Variants in SMG7 observed in about 807,000 individuals in gnomAD.
The protein encoded by SMG7 is nonsense-mediated mRNA decay factor SMG7.
A neutral mutation model predicts 148.2 loss-of-function variants in SMG7; 34 were observed. That is an observed-to-expected ratio of 0.23 (90% CI 0.17 to 0.31). SMG7 has a LOEUF of 0.31. Ranked by LOEUF, SMG7 falls within the 10% of genes least tolerant of loss-of-function variation. The pLI, the probability that SMG7 is intolerant of heterozygous loss-of-function variation, is 1.00. For synonymous variants in SMG7, 492 were observed against 515.1 expected (o/e 0.96, Z 0.61); for missense variants, 1,114 against 1,408.4 (o/e 0.79, Z 3.35).
chr1:183,545,902 T>C, intron 16 of SMG7, 64 bp from the exon 17 acceptor site: 3 of 1,505,146 alleles, frequency 2.0e-6, no homozygotes, highest in Non-Finnish European at 2.7e-6. Context: ...TGTGATTCTT[T>C]AGCATTCATT....
intron 9 of SMG7, 32 bp downstream of exon 9, chr1:183,533,358 T>G: frequency 6.3e-7 from 1 of 1,594,640 alleles, no homozygotes; most frequent in Non-Finnish European, 8.6e-7. Flanking sequence ...ATGTGCCATC[T>G]TTTTTGAAAA....
At chr1:183,489,377 A>C (rs1041966594) in intron 1 of SMG7, among the ~76,000 whole-genome samples, 2 of 151,944 alleles carry the variant, frequency 1.3e-5, no homozygotes, top group Non-Finnish European at 2.9e-5. Context: ...GTTTCTTTGA[A>C]ATTGGTTACA....
At chr1:183,480,450 A>G (rs927263977) in intron 1 of SMG7, among the ~76,000 whole-genome samples, 5 of 152,108 alleles carry the variant, frequency 3.3e-5, no homozygotes, top group Admixed American at 2.6e-4. Context: ...AAAGGTGCCA[A>G]AGACCTCACG....
At position 183,527,714 on chromosome 1, in the gene SMG7, C is replaced by T. The variant is rs1165960843; in HGVS notation, c.485-242C>T. Reference sequence around the variant, plus strand: ...GCTGGTGATGCATGACACTGGAGGACCTGAAAATGGGGTCTAGGTAAGCTT... The same window carrying T: ...GCTGGTGATGCATGACACTGGAGGATCTGAAAATGGGGTCTAGGTAAGCTT... On this transcript the variant is annotated intron_variant, in intron 5 of 22. Transcript: ENST00000688051. This position sits in a 1 kb window ranked among gnomAD's most constrained non-coding sequence, Gnocchi z 4.0. 1 of 537,326 alleles carries T rather than the reference C, an allele frequency of 1.9e-6. No individual in the cohort carries two copies. Among genetic ancestry groups the T allele is most frequent in the South Asian group, 1.5e-5 (1 of 64,958 alleles). The allele number at this position is 537,326 out of a possible 1,614,324, so 33.3% of individuals were successfully genotyped here.
At chr1:183,523,466 C>T (rs1260577263) in intron 4 of SMG7, among the ~76,000 whole-genome samples, 1 of 152,164 alleles carries the variant, frequency 6.6e-6, no homozygotes, top group East Asian at 1.9e-4. Flanking sequence ...TAATATTCAG[C>T]TACAGCCTTA....
intron 4 of SMG7, among the ~76,000 whole-genome samples, chr1:183,526,303 C>T (rs888548065): frequency 5.9e-5 from 9 of 151,666 alleles, no homozygotes; most frequent in Non-Finnish European, 1.3e-4. Context: ...TGCTCACCAC[C>T]ACTCCCGGCT....
At chr1:183,516,482 A>C (rs57914180) in intron 3 of SMG7, among the ~76,000 whole-genome samples, 1 of 152,162 alleles carries the variant, frequency 6.6e-6, no homozygotes, top group Non-Finnish European at 1.5e-5. Flanking sequence ...TAAAATGAAA[A>C]ATTTTGTGTA....
rs138434243 is a variant in SMG7 at position 183,512,978 on chromosome 1, A to G, written c.61+110A>G. On this transcript the variant is annotated intron_variant, in intron 2 of 22. Transcript: ENST00000688051. ...GCACTAAATCCCATCTTAGTTGCCA[A>G]AAGGGATGATCATTTACTATCTGCT... 167 of 938,622 alleles carry G rather than the reference A, an allele frequency of 1.8e-4. No homozygotes were observed. In the African/African-American group the frequency reaches 2.5e-3, roughly 14 times the overall value. 58.1% of individuals were successfully genotyped at this position (938,622 alleles called of 1,614,324 possible).
At chr1:183,515,131 G>A (rs1376355013) in intron 2 of SMG7, among the ~76,000 whole-genome samples, 1 of 152,122 alleles carries the variant, frequency 6.6e-6, no homozygotes, top group South Asian at 2.1e-4. Context: ...CCCCAATTTT[G>A]TATTATGTGT....
chr1:183,482,887 C>G (rs762657632), intron 1 of SMG7, among the ~76,000 whole-genome samples: 68 of 152,076 alleles, frequency 4.5e-4, no homozygotes, highest in Non-Finnish European at 8.1e-4. Context: ...GAATCCTCAC[C>G]TTGAGATAAG....
Position 183,552,631 on chromosome 1 carries a change from C to T in SMG7, c.*700C>T, listed in dbSNP as rs1671241476. ...CCAGGAGACTCCAGCAGGGAATGCC[C>T]TTCACTCTGTAGGTGCTCGAGCCCC... On this transcript the variant is annotated 3_prime_UTR_variant, in exon 23 of 23. Transcript: ENST00000688051. 2.8e-6 allele frequency: 3 copies of T among 1,062,920 alleles called. No homozygotes were observed. The highest frequency in any genetic ancestry group is 3.3e-5 in the South Asian group (1 of 30,680). The allele number at this position is 1,062,920 out of a possible 1,614,324, so 65.8% of individuals were successfully genotyped here.
intron 20 of SMG7, among the ~76,000 whole-genome samples, chr1:183,550,417 G>A (rs914302276): frequency 2.0e-5 from 3 of 152,142 alleles, no homozygotes; most frequent in Non-Finnish European, 2.9e-5. Context: ...TGACTTAATA[G>A]TAATTCTTAA....
At position 183,545,970 on chromosome 1, in the gene SMG7, A is replaced by G. The variant is rs771110382; in HGVS notation, c.2375A>G (p.Gln792Arg). The G allele has an allele frequency of 5.0e-6, 8 of 1,586,096 alleles. No homozygotes were observed. The highest frequency in any genetic ancestry group is 6.0e-6 in the Non-Finnish European group (7 of 1,170,092). The change falls in exon 17 of 23, where the codon CAA becomes CGA. Residue 792 changes from glutamine (Q) to arginine (R), a missense_variant. Physicochemically the swap from Gln to Arg is conservative, Grantham distance 43 (BLOSUM62 1). Around this residue, in one of 4 missense-constraint regions of SMG7, gnomAD observed 788 missense variants for 894.5 expected, o/e 0.88. Coordinates refer to ENST00000688051, the MANE Select transcript of SMG7 (RefSeq NM_001375584.1). ...PPHHSGFQQYQQADASKQLWN... is the reference protein window; with the variant it reads ...PPHHSGFQQYRQADASKQLWN... ...TGACAGGCGTCTCTTTTTTAGTATCAACAGGCAGATGCCTCCAAACAGCTG... is the reference window on the plus strand; with the variant it reads ...TGACAGGCGTCTCTTTTTTAGTATCGACAGGCAGATGCCTCCAAACAGCTG...
At chr1:183,510,683 T>G (rs992616072) in intron 1 of SMG7, among the ~76,000 whole-genome samples, 13 of 152,096 alleles carry the variant, frequency 8.5e-5, no homozygotes, top group African/African-American at 2.9e-4. Flanking sequence ...TGAAACAAAT[T>G]TATTAGGTTG....
chr1:183,522,394 A>T (rs1289221223), intron 4 of SMG7, among the ~76,000 whole-genome samples: 3 of 152,230 alleles, frequency 2.0e-5, no homozygotes, highest in Non-Finnish European at 4.4e-5. Context: ...AAACATCTGA[A>T]TAAGGAAGGG....
At chr1:183,477,821 T>A (rs1169553021) in intron 1 of SMG7, among the ~76,000 whole-genome samples, 1 of 152,128 alleles carries the variant, frequency 6.6e-6, no homozygotes. Flanking sequence ...TATGCACATA[T>A]GTGTGTATAT....
chr1:183,512,422 A>G (rs1275872132), intron 1 of SMG7, among the ~76,000 whole-genome samples: 1 of 152,236 alleles, frequency 6.6e-6, no homozygotes, highest in African/African-American at 2.4e-5. Context: ...CATAGGAATC[A>G]GTAGCTTGAG....
chr1:183,548,874 T>C (rs1317792216), intron 18 of SMG7: 2 of 289,356 alleles, frequency 6.9e-6, no homozygotes, highest in African/African-American at 4.3e-5. Flanking sequence ...GTTCAGCATT[T>C]TGTTTTGAGA....
In SMG7 at chr1:183,553,608, G is replaced by GCCCCCCCCCCCCCC. The variant is rs3832026; in HGVS notation, c.*1685_*1686insCCCCCCCCCCCCCC. 2.1e-4 allele frequency: 27 copies of GCCCCCCCCCCCCCC among 128,282 alleles called. No individual in the cohort carries two copies. The highest frequency in any genetic ancestry group is 3.2e-4 in the Non-Finnish European group (19 of 59,296). The allele number at this position is 128,282 out of a possible 1,614,324, so 7.9% of individuals were successfully genotyped here. ...TTGCTCTTCAGAGAGAGTGGTTGGA[G>GCCCCCCCCCCCCCC]CCCCCCCCGCCCCGTATGCTTACAT... On this transcript the variant is annotated 3_prime_UTR_variant, in exon 23 of 23. Transcript: ENST00000688051.
Sources: gnomAD v4.1 joint callset for allele counts (sites outside exome capture counted in the v4.1 genomes callset) on GRCh38, gnomAD v4.1.1 for gene constraint, gnomAD v4.1.1 regional missense constraint, Gnocchi (gnomAD v3.1) non-coding constraint, MANE v1.5 for transcripts, NCBI Gene and HGNC (gene_info 2026-07-23, HGNC 2026-07-21) for gene names.